The following IGF2BP3 variants were observed in gnomAD, a reference collection of about 807,000 sequenced individuals.
The protein encoded by IGF2BP3 is insulin like growth factor 2 mRNA binding protein 3, also known as insulin-like growth factor 2 mRNA-binding protein 3.
A neutral mutation model predicts 73.8 loss-of-function variants in IGF2BP3; 9 were observed. The observed-to-expected ratio is 0.12, with a 90% CI of 0.07 to 0.21. The LOEUF is 0.21. Among genes scored for constraint, IGF2BP3 ranks in the 10% least tolerant of loss-of-function variants. The pLI is 1.00. For synonymous variants in IGF2BP3, 258 were observed against 256.7 expected (o/e 1.01, Z -0.05); for missense variants, 542 against 714.0 (o/e 0.76, Z 2.75).
Position 23,312,801 on chromosome 7 carries a change from A to T in IGF2BP3, c.1575T>A (p.Arg525=). ...NLSSAEVVVP[R]DQTPDENDQV... The stretch of plus-strand genomic sequence containing the variant: ...GGTCATTCTCATCAGGTGTCTGGTC[A>T]CGAGGGACAACAACTTCTGCACTTG... Residue 525 remains arginine, a synonymous_variant, in exon 14 of 15, where the codon CGT becomes CGA. Coordinates refer to ENST00000258729, the MANE Select transcript of IGF2BP3 (RefSeq NM_006547.3). 6.2e-7 allele frequency: 1 copy of T among 1,613,050 alleles called. No homozygotes were observed. The highest frequency in any genetic ancestry group is 8.5e-7 in the Non-Finnish European group (1 of 1,179,760).
intron 3 of IGF2BP3, among the ~76,000 whole-genome samples, chr7:23,376,656 C>T (rs539649987): frequency 5.3e-5 from 8 of 152,010 alleles, no homozygotes; most frequent in Non-Finnish European, 1.0e-4. Flanking sequence ...CGCTTGAGTC[C>T]AGCAATTCAA....
intron 10 of IGF2BP3, among the ~76,000 whole-genome samples, chr7:23,340,295 C>T (rs574327326): frequency 2.6e-5 from 4 of 152,138 alleles, no homozygotes; most frequent in African/African-American, 7.2e-5. Context: ...ATACTAGAAA[C>T]GGCAGGTGAA....
intron 10 of IGF2BP3, among the ~76,000 whole-genome samples, chr7:23,327,576 C>G (rs559974012): frequency 6.6e-6 from 1 of 152,250 alleles, no homozygotes; most frequent in South Asian, 2.1e-4. Context: ...CCACCGCACC[C>G]GTCCTGAAAT....
chr7:23,342,288 A>C, intron 9 of IGF2BP3, 99 bp from the exon 10 acceptor site: 1 of 1,317,402 alleles, frequency 7.6e-7, no homozygotes, highest in East Asian at 2.4e-5. Context: ...CTTGTCTAAT[A>C]AAGAAATGAT....
At chr7:23,450,518 C>G (rs901095475) in intron 2 of IGF2BP3, 2 of 152,192 alleles carry the variant, frequency 1.3e-5, no homozygotes, top group African/African-American at 4.8e-5. Flanking sequence ...TGAGCTTTGA[C>G]AGCCTCCCAA....
In IGF2BP3 at chr7:23,371,154, A is replaced by AACAC. The variant is rs60859365; in HGVS notation, c.286-9417_286-9414dup. 7.6e-3 allele frequency among the ~76,000 whole-genome samples: 1,129 copies of AACAC among 148,846 alleles called. 11 individuals are homozygous for AACAC. The highest frequency in any genetic ancestry group is 0.026 in the African/African-American group (1,055 of 40,848). On this transcript the variant is annotated intron_variant, in intron 3 of 14. Transcript: ENST00000258729. ...TACTTGCCCCAACAAACACCTTGCC[A>AACAC]ACACACACACACACACACACACACC... is the stretch of plus-strand genomic sequence containing the variant.
chr7:23,407,966 G>A (rs13223901), intron 3 of IGF2BP3, among the ~76,000 whole-genome samples: 1 of 137,106 alleles, frequency 7.3e-6, no homozygotes, highest in Non-Finnish European at 1.6e-5. Context: ...GGGGCGGGGG[G>A]GGGGGGAGTC....
At chr7:23,425,637 T>A (rs1000037459) in intron 2 of IGF2BP3, among the ~76,000 whole-genome samples, 6 of 152,124 alleles carry the variant, frequency 3.9e-5, no homozygotes, top group African/African-American at 1.4e-4. Flanking sequence ...GCCTCAATAA[T>A]GTATAATTTG....
chr7:23,359,142 G>C (rs2128507377), intron 5 of IGF2BP3, among the ~76,000 whole-genome samples: 1 of 152,332 alleles, frequency 6.6e-6, no homozygotes, highest in South Asian at 2.1e-4. Context: ...CTACGCTAAA[G>C]AATTTTGAGA....
intron 5 of IGF2BP3, among the ~76,000 whole-genome samples, chr7:23,352,831 A>G (rs961206034): frequency 6.6e-6 from 1 of 152,170 alleles, no homozygotes; most frequent in Non-Finnish European, 1.5e-5. Context: ...ATATATGAGT[A>G]TACATGATAT....
chr7:23,377,239 A>G (rs1453359429), intron 3 of IGF2BP3, among the ~76,000 whole-genome samples: 3 of 152,204 alleles, frequency 2.0e-5, no homozygotes, highest in Non-Finnish European at 4.4e-5. Context: ...CTGATAAGGG[A>G]CTTACATCTA....
chr7:23,312,907 CACTT>C, intron 13 of IGF2BP3, 59 bp from the exon 14 acceptor site: 1 of 1,051,688 alleles, frequency 9.5e-7, no homozygotes, highest in South Asian at 1.4e-5. Flanking sequence ...ACTTCCTAAG[CACTT>C]ACTGTGCGCC....
At chr7:23,352,380 C>T (rs867183293) in intron 5 of IGF2BP3, among the ~76,000 whole-genome samples, 6 of 149,572 alleles carry the variant, frequency 4.0e-5, no homozygotes, top group Admixed American at 2.0e-4. Context: ...CCTCTGCCTC[C>T]GGGGTTCAAG....
At chr7:23,355,380 C>T (rs552824207) in intron 5 of IGF2BP3, among the ~76,000 whole-genome samples, 7 of 152,082 alleles carry the variant, frequency 4.6e-5, no homozygotes, top group African/African-American at 1.4e-4. Flanking sequence ...TACCACCACA[C>T]CCAGCTAATT....
At chr7:23,356,591 C>T (rs986054580) in intron 5 of IGF2BP3, among the ~76,000 whole-genome samples, 2 of 152,072 alleles carry the variant, frequency 1.3e-5, no homozygotes, top group African/African-American at 4.8e-5. Context: ...AAATAAAATT[C>T]CATGTCTAAA....
At chr7:23,418,648 G>T (rs1000779067) in intron 3 of IGF2BP3, 128 bp downstream of exon 3, 2 of 545,286 alleles carry the variant, frequency 3.7e-6, no homozygotes, top group Non-Finnish European at 6.5e-6. Context: ...ACCAAGGCAC[G>T]GGTCATAGGA....
chr7:23,411,279 A>G (rs1787010978), intron 3 of IGF2BP3, among the ~76,000 whole-genome samples: 1 of 152,150 alleles, frequency 6.6e-6, no homozygotes, highest in South Asian at 2.1e-4. Context: ...TATGTTGCCA[A>G]TTACACCTAA....
chr7:23,347,507 T>G, intron 7 of IGF2BP3, 93 bp downstream of exon 7: 1 of 1,364,166 alleles, frequency 7.3e-7, no homozygotes, highest in Non-Finnish European at 1.0e-6. Context: ...TTTCCCTCTG[T>G]TTGTTGGCAA....
chr7:23,413,408 G>A (rs1287302610), intron 3 of IGF2BP3: 1 of 152,028 alleles, frequency 6.6e-6, no homozygotes, highest in Non-Finnish European at 1.5e-5. Context: ...TTGAACCCAG[G>A]AGGCGGAGGT....
Sources: allele counts gnomAD v4.1 joint callset (sites outside exome capture counted in the v4.1 genomes callset), GRCh38; gene constraint gnomAD v4.1.1; transcripts MANE v1.5; gene names NCBI Gene and HGNC (gene_info 2026-07-23, HGNC 2026-07-21).